The following ASAP1 variants were observed in gnomAD, a reference collection of about 807,000 sequenced individuals.
ASAP1 encodes the protein ArfGAP with SH3 domain, ankyrin repeat and PH domain 1.
In ASAP1, 43 loss-of-function variants were observed where a neutral mutation model predicts 145.2. That is an observed-to-expected ratio of 0.30 (90% CI 0.23 to 0.38). The LOEUF (loss-of-function observed/expected upper bound fraction) is 0.38, where lower values mean the gene tolerates loss of function less well. ASAP1 is among the 10% of genes least tolerant of loss of function. ASAP1 has a pLI of 1.00. For synonymous variants in ASAP1, 546 were observed against 515.5 expected, an observed-to-expected ratio of 1.06 and a Z score of -0.80; for missense variants, 1,018 against 1,355.3, an observed-to-expected ratio of 0.75 and a Z score of 3.91.
intron 11 of ASAP1, among the ~76,000 whole-genome samples, chr8:130,166,376 CTGTT>C (rs1010813683): frequency 6.6e-6 from 1 of 152,174 alleles, no homozygotes; most frequent in African/African-American, 2.4e-5. Context: ...ATGGTGCTTA[CTGTT>C]TAATTTATCC....
At chr8:130,135,581 C>T (rs1317659621) in intron 14 of ASAP1, among the ~76,000 whole-genome samples, 1 of 152,218 alleles carries the variant, frequency 6.6e-6, no homozygotes, top group Non-Finnish European at 1.5e-5. Flanking sequence ...GGTTGAATCT[C>T]TGCTTTATTG....
chr8:130,176,165 G>C lies in ASAP1; in HGVS notation c.746+3099C>G, dbSNP rs558697063. ...CCAGTGTAGTAGCTTCATCCACACGGAAGTGTCGTGACTATTACTACCTAG... is the reference window on the plus strand; with the variant it reads ...CCAGTGTAGTAGCTTCATCCACACGCAAGTGTCGTGACTATTACTACCTAG... On this transcript the variant is annotated intron_variant, in intron 9 of 29. Coordinates refer to ENST00000518721, the MANE Select transcript of ASAP1 (RefSeq NM_018482.4). Among the ~76,000 whole-genome samples the C allele has an allele frequency of 1.4e-4, 21 of 152,124 alleles. No individual in the cohort carries two copies. The South Asian group carries it at 3.5e-3, about 26-fold the overall frequency.
At chr8:130,262,177 A>G (rs1388775383) in intron 3 of ASAP1, among the ~76,000 whole-genome samples, 1 of 151,814 alleles carries the variant, frequency 6.6e-6, no homozygotes, top group Non-Finnish European at 1.5e-5. Flanking sequence ...TGGGTGGATC[A>G]CGAGGTCAGG....
intron 3 of ASAP1, among the ~76,000 whole-genome samples, chr8:130,275,807 CT>C (rs1235854568): frequency 1.7e-4 from 26 of 152,138 alleles, no homozygotes; most frequent in African/African-American, 6.3e-4. Context: ...ATTTATTTTG[CT>C]TTTTTGTTGT....
intron 18 of ASAP1, among the ~76,000 whole-genome samples, chr8:130,120,048 C>T (rs993574793): frequency 6.6e-6 from 1 of 152,194 alleles, no homozygotes; most frequent in African/African-American, 2.4e-5. Context: ...GCAGTAAAAA[C>T]AGTTGAGCTG....
At chr8:130,234,174 G>C (rs1043200362) in intron 4 of ASAP1, among the ~76,000 whole-genome samples, 1 of 152,120 alleles carries the variant, frequency 6.6e-6, no homozygotes, top group Non-Finnish European at 1.5e-5. Context: ...AGTCTAACAG[G>C]ACTTCCTGTG....
intron 11 of ASAP1, among the ~76,000 whole-genome samples, chr8:130,164,463 T>C (rs898512814): frequency 6.6e-6 from 1 of 152,088 alleles, no homozygotes; most frequent in Admixed American, 6.6e-5. Context: ...TGGTGGTACA[T>C]GCCTGTAGTC....
rs1219271224 is a variant in ASAP1, at chr8:130,358,777, C to G, written c.60-634G>C. ...GCCCCGCCCCCGCTCGCGCACAGCC[C>G]CTGGGGCCTGGCTCCGAAGCTGCCG... On this transcript the variant is annotated intron_variant, in intron 2 of 29. Transcript: ENST00000518721. This position sits in a 1 kb window ranked among gnomAD's most constrained non-coding sequence, Gnocchi z 4.1. 6.8e-6 allele frequency among the ~76,000 whole-genome samples: 1 copy of G among 147,488 alleles called. No homozygotes were observed. The highest frequency in any genetic ancestry group is 1.5e-5 in the Non-Finnish European group (1 of 66,314).
At chr8:130,257,331 T>C (rs1276030399) in intron 3 of ASAP1, among the ~76,000 whole-genome samples, 1 of 152,290 alleles carries the variant, frequency 6.6e-6, no homozygotes, top group East Asian at 1.9e-4. Context: ...CAATATCCAA[T>C]GACAAGGTCC....
intron 11 of ASAP1, among the ~76,000 whole-genome samples, chr8:130,167,013 T>A (rs926085755): frequency 6.6e-6 from 1 of 152,118 alleles, no homozygotes; most frequent in African/African-American, 2.4e-5. Flanking sequence ...TGAAAATCTA[T>A]AGTCATGGGG....
intron 3 of ASAP1, among the ~76,000 whole-genome samples, chr8:130,270,765 A>C (rs1820537593): frequency 6.6e-6 from 1 of 152,258 alleles, no homozygotes; most frequent in Non-Finnish European, 1.5e-5. Context: ...GGGAAAAAAC[A>C]GTCCTTAGAA....
intron 5 of ASAP1, among the ~76,000 whole-genome samples, chr8:130,190,228 G>C (rs1815047067): frequency 6.6e-6 from 1 of 152,176 alleles, no homozygotes; most frequent in Non-Finnish European, 1.5e-5. Flanking sequence ...TCTTTGCTGA[G>C]AGCAATGTGC....
intron 3 of ASAP1, among the ~76,000 whole-genome samples, chr8:130,348,375 C>A (rs1207009134): frequency 6.6e-6 from 1 of 152,110 alleles, no homozygotes; most frequent in Non-Finnish European, 1.5e-5. Flanking sequence ...TTTTATTTTC[C>A]CAGCTTTTGA....
chr8:130,073,390 CAA>C (rs35429166), intron 27 of ASAP1, among the ~76,000 whole-genome samples: 171 of 117,224 alleles, frequency 1.5e-3, no homozygotes, highest in African/African-American at 4.4e-3. Context: ...AACTCCGTCT[CAA>C]AAAAAAAAAA....
intron 13 of ASAP1, among the ~76,000 whole-genome samples, chr8:130,141,597 T>G (rs2097611554): frequency 6.6e-6 from 1 of 152,158 alleles, no homozygotes; most frequent in Admixed American, 6.5e-5. Context: ...TTGGCACACA[T>G]CGGGTACTAG....
At chr8:130,442,834 C>G (rs1004496405) in intron 1 of ASAP1, among the ~76,000 whole-genome samples, 1 of 152,108 alleles carries the variant, frequency 6.6e-6, no homozygotes, top group South Asian at 2.1e-4. Context: ...AACTTCATGT[C>G]GCTCTCAGAA....
chr8:130,207,879 G>A (rs1816325123), intron 5 of ASAP1, among the ~76,000 whole-genome samples: 1 of 152,158 alleles, frequency 6.6e-6, no homozygotes, highest in Non-Finnish European at 1.5e-5. Flanking sequence ...TCAATTAGAG[G>A]AAGAAATTAG....
At chr8:130,359,938 A>G (rs927381115) in intron 2 of ASAP1, among the ~76,000 whole-genome samples, 6 of 152,354 alleles carry the variant, frequency 3.9e-5, no homozygotes, top group African/African-American at 1.4e-4. Context: ...TGCACTGTTA[A>G]GCCTCACATC....
At chr8:130,256,739 T>C (rs28484664) in intron 3 of ASAP1, among the ~76,000 whole-genome samples, 3 of 95,904 alleles carry the variant, frequency 3.1e-5, no homozygotes, top group Admixed American at 1.2e-4. Flanking sequence ...ATACACATTC[T>C]TATATATATA....
Sources: gnomAD v4.1 joint callset for allele counts (sites outside exome capture counted in the v4.1 genomes callset) on GRCh38, gnomAD v4.1.1 for gene constraint, Gnocchi (gnomAD v3.1) non-coding constraint, MANE v1.5 for transcripts, NCBI Gene and HGNC (gene_info 2026-07-23, HGNC 2026-07-21) for gene names.